The following STARD13 variants were observed in gnomAD, a reference collection of about 807,000 sequenced individuals.
STARD13 encodes stAR-related lipid transfer protein 13.
Under a neutral mutation model 106.4 loss-of-function variants are expected in STARD13, and 62 were observed. The observed-to-expected ratio is 0.58, with a 90% CI of 0.48 to 0.72. The LOEUF (loss-of-function observed/expected upper bound fraction) is 0.72. Ranked by LOEUF, STARD13 falls within the 30% of genes least tolerant of loss-of-function variation. The probability of loss-of-function intolerance (pLI) is 0.00; values close to 1 mark genes in which losing one functional copy is unlikely to be tolerated. For missense variants in STARD13, 1,387 were observed against 1,424.0 expected (o/e 0.97, Z 0.42); for synonymous variants, 565 against 553.0 (o/e 1.02, Z -0.31).
intron 13 of STARD13, among the ~76,000 whole-genome samples, chr13:33,106,433 A>C (rs1873712702): frequency 6.6e-6 from 1 of 152,174 alleles, no homozygotes; most frequent in Admixed American, 6.5e-5. Context: ...AAAGAAACAC[A>C]AGAGAGGGAA....
At chr13:33,219,135 TA>T (rs1040777174) in intron 1 of STARD13, among the ~76,000 whole-genome samples, 3 of 152,092 alleles carry the variant, frequency 2.0e-5, no homozygotes, top group African/African-American at 7.2e-5. Flanking sequence ...AATAAATAAA[TA>T]AAAGTAACTT....
the STARD13 span, among the ~76,000 whole-genome samples, chr13:33,494,782 G>C: frequency 2.0e-5 from 3 of 151,840 alleles, no homozygotes; most frequent in Admixed American, 2.0e-4. Context: ...TGGCCACTTA[G>C]GACAATTGCC....
intron 1 of STARD13, among the ~76,000 whole-genome samples, chr13:33,275,224 G>A (rs1270921911): frequency 6.6e-6 from 1 of 152,128 alleles, no homozygotes; most frequent in African/African-American, 2.4e-5. Flanking sequence ...AAATTTTCTG[G>A]AAGACATGAG....
At chr13:33,255,292 C>T (rs1031715080) in intron 1 of STARD13, among the ~76,000 whole-genome samples, 1 of 152,142 alleles carries the variant, frequency 6.6e-6, no homozygotes, top group Non-Finnish European at 1.5e-5. Context: ...GTGTCACAAC[C>T]CTTCTTGGCT....
the STARD13 span, among the ~76,000 whole-genome samples, chr13:33,671,729 C>T: frequency 1.3e-5 from 2 of 151,382 alleles, no homozygotes; most frequent in South Asian, 4.2e-4. Flanking sequence ...GACCCTGTCT[C>T]TAAATAAATA....
chr13:33,123,116 G>C (rs535664745), intron 7 of STARD13, among the ~76,000 whole-genome samples: 193 of 139,690 alleles, frequency 1.4e-3, no homozygotes, highest in African/African-American at 4.9e-3. Context: ...GATAGCCCCA[G>C]AGCACTGCTC....
chr13:33,373,799 G>A, the STARD13 span, among the ~76,000 whole-genome samples: 3 of 151,876 alleles, frequency 2.0e-5, no homozygotes, highest in Non-Finnish European at 4.4e-5. Context: ...AATAAGTGTT[G>A]GTGAGAATGT....
At chr13:33,209,615 G>A (rs190822528) in intron 1 of STARD13, among the ~76,000 whole-genome samples, 12 of 152,214 alleles carry the variant, frequency 7.9e-5, no homozygotes, top group African/African-American at 2.4e-4. Context: ...GTGAGGGACC[G>A]ATATTTCAAT....
chr13:33,299,068 GATACATAA>G (rs1194709051), intron 1 of STARD13, among the ~76,000 whole-genome samples: 16 of 152,246 alleles, frequency 1.1e-4, no homozygotes, highest in Non-Finnish European at 2.1e-4. Flanking sequence ...GATATGTTTA[GATACATAA>G]ATGCTTACCA....
At chr13:33,312,198 C>G (rs1226798227) in intron 1 of STARD13, among the ~76,000 whole-genome samples, 1 of 152,186 alleles carries the variant, frequency 6.6e-6, no homozygotes, top group East Asian at 1.9e-4. Context: ...CTATAAAATA[C>G]AAGGTTCCAT....
At chr13:33,202,462 A>T (rs1887110530) in intron 1 of STARD13, among the ~76,000 whole-genome samples, 1 of 152,216 alleles carries the variant, frequency 6.6e-6, no homozygotes. Flanking sequence ...CTTGACAAAC[A>T]TTACTTGAAC....
At chr13:33,342,878 C>T (rs536476337) in intron 1 of STARD13, among the ~76,000 whole-genome samples, 129 of 152,324 alleles carry the variant, frequency 8.5e-4, no homozygotes, top group African/African-American at 2.9e-3. Context: ...TGCATATGGA[C>T]ATATTTATGT....
chr13:33,405,123 C>T, the STARD13 span, among the ~76,000 whole-genome samples: 1 of 152,164 alleles, frequency 6.6e-6, no homozygotes, highest in African/African-American at 2.4e-5. Context: ...AATTCTGACG[C>T]CCCTGTCCCC....
At chr13:33,318,870 G>A (rs1251341966) in intron 1 of STARD13, among the ~76,000 whole-genome samples, 1 of 152,092 alleles carries the variant, frequency 6.6e-6, no homozygotes, top group African/African-American at 2.4e-5. Context: ...ATTTCACAAT[G>A]ACTAGGATAA....
chr13:33,222,131 G>C (rs187860441), intron 1 of STARD13, among the ~76,000 whole-genome samples: 1 of 152,116 alleles, frequency 6.6e-6, no homozygotes, highest in East Asian at 1.9e-4. Context: ...CCTGGCAACA[G>C]AGCGAGACTC....
the STARD13 span, among the ~76,000 whole-genome samples, chr13:33,466,499 G>A: frequency 3.9e-5 from 6 of 152,054 alleles, no homozygotes; most frequent in South Asian, 6.2e-4. Flanking sequence ...TTTGATGGAC[G>A]TATAGTTCAG....
the STARD13 span, among the ~76,000 whole-genome samples, chr13:33,540,787 A>C: frequency 1.3e-5 from 2 of 152,198 alleles, no homozygotes; most frequent in Admixed American, 1.3e-4. Context: ...GAGGAAGGAA[A>C]AGAATGAGAT....
chr13:33,346,313 C>T (rs2078016475), downstream of STARD13, among the ~76,000 whole-genome samples: 1 of 152,208 alleles, frequency 6.6e-6, no homozygotes, highest in Non-Finnish European at 1.5e-5. Context: ...CAGCTAAACT[C>T]CCCAGGCCCC....
intron 3 of STARD13, among the ~76,000 whole-genome samples, chr13:33,153,320 T>G (rs991701135): frequency 6.6e-6 from 1 of 152,060 alleles, no homozygotes. Flanking sequence ...CTAATGGAAG[T>G]AAGGCGGTCG....
Sources: gnomAD v4.1 joint callset for allele counts (sites outside exome capture counted in the v4.1 genomes callset) on GRCh38, gnomAD v4.1.1 for gene constraint, MANE v1.5 for transcripts, NCBI Gene and HGNC (gene_info 2026-07-23, HGNC 2026-07-21) for gene names.